DMGDH: variants seen among roughly 807,000 people sequenced by gnomAD.
The protein encoded by DMGDH is dimethylglycine dehydrogenase.
A neutral mutation model predicts 95.2 loss-of-function variants in DMGDH; 76 were observed. The observed-to-expected ratio is 0.80, with a 90% CI of 0.66 to 0.97. The LOEUF (loss-of-function observed/expected upper bound fraction) is 0.97. DMGDH is among the 50% of genes least tolerant of loss of function. The pLI, the probability that DMGDH is intolerant of heterozygous loss-of-function variation, is 0.00. For synonymous variants in DMGDH, 345 were observed against 377.6 expected (o/e 0.91, Z 1.00); for missense variants, 987 against 1,055.0 (o/e 0.94, Z 0.89).
intron 14 of DMGDH, chr5:79,021,634 C>A: frequency 7.6e-7 from 1 of 1,318,472 alleles, no homozygotes; most frequent in East Asian, 4.8e-5. Context: ...CCCATCTGCT[C>A]ACCCAGCCAT....
At chr5:79,034,551 CAG>C (rs902100932) in intron 7 of DMGDH, among the ~76,000 whole-genome samples, 5 of 152,002 alleles carry the variant, frequency 3.3e-5, no homozygotes, top group East Asian at 1.9e-4. Context: ...ACTGAATGAG[CAG>C]AGAGTCATGG....
chr5:79,033,253 C>T lies in DMGDH; in HGVS notation c.1349G>A (p.Gly450Glu). 6.2e-7 allele frequency: 1 copy of T among 1,614,104 alleles called. No individual in the cohort carries two copies. ...TTGTACCTTACCAATATTGTTGAAT[C>T]CATATGATTCTCTTGCTTTGGCCTC... Reference protein sequence around the residue: ...YTEAKARESYGFNNIVGYPKE... With the variant: ...YTEAKARESYEFNNIVGYPKE... The change falls in exon 8 of 16, where the codon GGA becomes GAA. Residue 450 changes from glycine to glutamate, a missense_variant. Gly to Glu is a moderately conservative substitution (Grantham distance 98, BLOSUM62 -2). Coordinates refer to ENST00000255189, the MANE Select transcript of DMGDH (RefSeq NM_013391.3).
At chr5:79,000,587 G>T in intron 15 of DMGDH, 1 of 605,566 alleles carries the variant, frequency 1.7e-6, no homozygotes. Flanking sequence ...GAACTTTCTG[G>T]CTGACATGCA....
Position 79,044,511 on chromosome 5 carries a change from G to C in DMGDH, c.787C>G (p.His263Asp). Reference protein sequence around the residue: ...REVGKMIGLEHPLIPVQHQYV... With the variant: ...REVGKMIGLEDPLIPVQHQYV... ...TGATGTTGAACCGGAATGAGAGGAT[G>C]TTCTAGTCCAATCATTTTACCTACT... The change falls in exon 6 of 16, where the codon CAT (histidine) becomes GAT (aspartate). Residue 263 changes from histidine to aspartate, a missense_variant. Physicochemically the swap from His to Asp is moderately conservative, Grantham distance 81 (BLOSUM62 -1). Coordinates refer to ENST00000255189, the MANE Select transcript of DMGDH (RefSeq NM_013391.3). The C allele has an allele frequency of 6.2e-7, 1 of 1,613,970 alleles. No individual in the cohort carries two copies. Among genetic ancestry groups the C allele is most frequent in the African/African-American group, 1.3e-5 (1 of 75,018 alleles).
intron 12 of DMGDH, among the ~76,000 whole-genome samples, chr5:79,027,727 G>T (rs1219516046): frequency 6.6e-6 from 1 of 152,058 alleles, no homozygotes; most frequent in African/African-American, 2.4e-5. Context: ...AGAGGTACCT[G>T]ATACCTTCAA....
rs149013536 is a variant in DMGDH at position 79,018,505 on chromosome 5, G to T, written c.2250+5766C>A. ...CTCAGACATAAATTGTTGCCTGGGG[G>T]GTAGGTGAGGCTGTGGGGAGGGTGG... is the stretch of plus-strand genomic sequence containing the variant. On this transcript the variant is annotated intron_variant, in intron 14 of 15. Transcript: ENST00000255189. 4.0e-4 allele frequency among the ~76,000 whole-genome samples: 61 copies of T among 151,954 alleles called. 1 individual carries two copies. Among genetic ancestry groups the T allele is most frequent in the African/African-American group, 1.3e-3 (54 of 41,360 alleles).
chr5:79,054,277 A>G lies in DMGDH; in HGVS notation c.447T>C (p.Tyr149=). ...CATGCCAGCCAGTCCGAGTCATTTG[A>G]TATTTAAATTCATCTACCCTTACAG... ...TTPVRVDEFK[Y]QMTRTGWHAT... The change falls in exon 4 of 16, where the codon TAT becomes TAC. Residue 149 remains tyrosine (Y), a synonymous_variant. Transcript: ENST00000255189. The G allele has an allele frequency of 6.2e-7, 1 of 1,614,112 alleles. No individual in the cohort carries two copies. The highest frequency in any genetic ancestry group is 8.5e-7 in the Non-Finnish European group (1 of 1,179,998).
intron 8 of DMGDH, among the ~76,000 whole-genome samples, 194 bp downstream of exon 8, chr5:79,033,045 A>G (rs1754234865): frequency 6.6e-6 from 1 of 152,240 alleles, no homozygotes; most frequent in Admixed American, 6.5e-5. Flanking sequence ...TTTAAAATTT[A>G]AAACCAGTGA....
intron 7 of DMGDH, among the ~76,000 whole-genome samples, chr5:79,042,079 A>G (rs1754524679): frequency 1.3e-5 from 2 of 152,204 alleles, no homozygotes; most frequent in Non-Finnish European, 2.9e-5. Flanking sequence ...TTTAAAACAT[A>G]TACAAGTGAT....
intron 5 of DMGDH, among the ~76,000 whole-genome samples, chr5:79,048,642 TC>T (rs1284045785): frequency 1.3e-5 from 2 of 152,178 alleles, no homozygotes; most frequent in Non-Finnish European, 1.5e-5. Flanking sequence ...TTTGCTAGCT[TC>T]AGTTCTAAAA....
intron 2 of DMGDH, among the ~76,000 whole-genome samples, chr5:79,057,895 T>C (rs1187088652): frequency 6.6e-6 from 1 of 152,196 alleles, no homozygotes; most frequent in African/African-American, 2.4e-5. Context: ...GCTTTATACC[T>C]GGGTTAAGCT....
intron 10 of DMGDH, 112 bp from the exon 11 acceptor site, chr5:79,030,146 T>C: frequency 1.1e-6 from 1 of 916,096 alleles, no homozygotes; most frequent in Non-Finnish European, 1.7e-6. Flanking sequence ...ATCTGAATCT[T>C]ACTGTTTGTG....
intron 1 of DMGDH, among the ~76,000 whole-genome samples, chr5:79,064,736 A>T (rs495287): frequency 0.45 from 67,365 of 149,812 alleles, 16,413 homozygotes; most frequent in East Asian, 0.64. Context: ...AAATATATAT[A>T]TTTTTTTAAC....
In DMGDH at chr5:79,005,033, T is replaced by C. The variant is rs32971; in HGVS notation, c.2385+240A>G. Among the ~76,000 whole-genome samples the C allele has an allele frequency of 8.5e-5, 13 of 152,384 alleles. No individual in the cohort carries two copies. In the East Asian group the frequency reaches 2.3e-3, roughly 27 times the overall value. ...CTCATTGTCCAGTGTGTTTCAAGTC[T>C]TTGGGTTTGTTTTCTTTAAACAGAA... is the stretch of plus-strand genomic sequence containing the variant. On this transcript the variant is annotated intron_variant, in intron 15 of 15. Transcript: ENST00000255189.
At chr5:79,040,291 C>T (rs572305929) in intron 7 of DMGDH, among the ~76,000 whole-genome samples, 1 of 152,262 alleles carries the variant, frequency 6.6e-6, no homozygotes, top group South Asian at 2.1e-4. Context: ...CTGGAAAATA[C>T]CACACATTTG....
intron 2 of DMGDH, among the ~76,000 whole-genome samples, chr5:79,058,152 C>T (rs1755086267): frequency 6.6e-6 from 1 of 152,138 alleles, no homozygotes; most frequent in African/African-American, 2.4e-5. Context: ...TTTACACTAC[C>T]CTCTTTTCCT....
At chr5:79,068,685 A>G (rs904612576) in intron 1 of DMGDH, among the ~76,000 whole-genome samples, 1 of 152,278 alleles carries the variant, frequency 6.6e-6, no homozygotes, top group Non-Finnish European at 1.5e-5. Flanking sequence ...AGTGATGCTG[A>G]TAAACAAGCC....
chr5:79,034,738 T>C (rs1416860022), intron 7 of DMGDH, among the ~76,000 whole-genome samples: 1 of 152,194 alleles, frequency 6.6e-6, no homozygotes, highest in Non-Finnish European at 1.5e-5. Context: ...TTTGCTTTCA[T>C]AAAAATGAGT....
intron 2 of DMGDH, among the ~76,000 whole-genome samples, chr5:79,060,357 T>C (rs1366627328): frequency 1.3e-5 from 2 of 152,218 alleles, no homozygotes; most frequent in African/African-American, 4.8e-5. Flanking sequence ...CATGAAATGC[T>C]CTATCCTATT....
Sources: allele counts gnomAD v4.1 joint callset (sites outside exome capture counted in the v4.1 genomes callset), GRCh38; gene constraint gnomAD v4.1.1; transcripts MANE v1.5; gene names NCBI Gene and HGNC (gene_info 2026-07-23, HGNC 2026-07-21).